The following EPS15L1 variants were observed in gnomAD, a reference collection of about 807,000 sequenced individuals.
EPS15L1 encodes epidermal growth factor receptor substrate 15-like 1.
A neutral mutation model predicts 117.1 loss-of-function variants in EPS15L1; 43 were observed. The observed-to-expected ratio is 0.37, with a 90% CI of 0.29 to 0.47. EPS15L1 has a LOEUF of 0.47. Ranked by LOEUF, EPS15L1 falls within the 20% of genes least tolerant of loss-of-function variation. The pLI, the probability that EPS15L1 is intolerant of heterozygous loss-of-function variation, is 0.99. For missense variants in EPS15L1, 981 were observed against 1,164.0 expected (o/e 0.84, Z 2.29); for synonymous variants, 459 against 470.5 (o/e 0.98, Z 0.32).
intron 19 of EPS15L1, among the ~76,000 whole-genome samples, chr19:16,386,769 G>T (rs1407599768): frequency 6.6e-6 from 1 of 152,208 alleles, no homozygotes; most frequent in African/African-American, 2.4e-5. Context: ...AAGCCTGGGG[G>T]GACTCGAGGC....
chr19:16,464,636 T>C (rs949051125), intron 1 of EPS15L1, among the ~76,000 whole-genome samples: 9 of 152,208 alleles, frequency 5.9e-5, no homozygotes, highest in African/African-American at 2.2e-4. Context: ...TTTGCCTCCG[T>C]GTGAAAGGCT....
At chr19:16,433,251 C>T (rs1180428150) in intron 7 of EPS15L1, among the ~76,000 whole-genome samples, 1 of 151,608 alleles carries the variant, frequency 6.6e-6, no homozygotes, top group African/African-American at 2.4e-5. Context: ...TCTCAGCCTC[C>T]CAAGTGTCTG....
chr19:16,386,948 T>A (rs1352863070), intron 19 of EPS15L1, among the ~76,000 whole-genome samples: 1 of 152,180 alleles, frequency 6.6e-6, no homozygotes, highest in East Asian at 1.9e-4. Context: ...TCACCATGTA[T>A]CAGATACATT....
Position 16,377,246 on chromosome 19 carries a change from A to G in EPS15L1, c.2256T>C (p.Pro752=). 3 of 1,609,804 alleles carry G rather than the reference A, an allele frequency of 1.9e-6. No homozygotes were observed. The highest frequency in any genetic ancestry group is 2.5e-6 in the Non-Finnish European group (3 of 1,178,828). ...CCAAGGAGGAGGTGAAAGGGCCAGA[A>G]GGTGGGGGCTGTAAGAGAGGACATG... The part of the protein sequence containing the change: ...ADFSQMSKPP[P]SGPFTSSLGG... The change falls in exon 22 of 24, where the codon CCT becomes CCC. Residue 752 remains proline (P), a synonymous_variant. Transcript: ENST00000455140.
intron 13 of EPS15L1, among the ~76,000 whole-genome samples, chr19:16,409,011 C>T (rs911239817): frequency 6.6e-5 from 10 of 151,992 alleles, no homozygotes; most frequent in Non-Finnish European, 1.5e-4. Flanking sequence ...CCCTAGAGGC[C>T]AGGTGTTTGA....
At chr19:16,419,773 G>A (rs115079403) in intron 10 of EPS15L1, among the ~76,000 whole-genome samples, 202 of 152,320 alleles carry the variant, frequency 1.3e-3, no homozygotes, top group African/African-American at 4.6e-3. Context: ...CCCACAGTTC[G>A]AGGCCCTGAC....
chr19:16,401,220 C>A, intron 16 of EPS15L1: 1 of 985,498 alleles, frequency 1.0e-6, no homozygotes, highest in Non-Finnish European at 1.2e-6. Context: ...GGGCCAGACA[C>A]AAGAGACAGA....
At chr19:16,395,220 G>T in intron 17 of EPS15L1, 124 bp downstream of exon 17, 13 of 777,788 alleles carry the variant, frequency 1.7e-5, no homozygotes, top group Non-Finnish European at 2.5e-5. Context: ...AAAAAAAAAA[G>T]GCATTCCTTT....
rs140159156 is a variant in EPS15L1 at position 16,461,819 on chromosome 19, G to A, written c.33+10094C>T. ...CACCGGCCAGTGGGCTCGAGCAGGC[G>A]GCTCTGGGCCCTGTGCCTGTTTCTT... On this transcript the variant is annotated intron_variant, in intron 1 of 23. Transcript: ENST00000455140. 4.6e-5 allele frequency among the ~76,000 whole-genome samples: 7 copies of A among 152,278 alleles called. No individual in the cohort carries two copies. In the East Asian group the frequency reaches 7.7e-4, roughly 17 times the overall value.
rs775610519 is a variant in EPS15L1 at position 16,370,142 on chromosome 19, G to A, written c.2380+6980C>T. 5.3e-5 allele frequency among the ~76,000 whole-genome samples: 8 copies of A among 152,228 alleles called. No homozygotes were observed. The highest frequency in any genetic ancestry group is 2.0e-4 in the Admixed American group (3 of 15,286). On this transcript the variant is annotated intron_variant, in intron 22 of 23. Transcript: ENST00000455140. The surrounding 1 kb of genome is among the most constrained non-coding windows in gnomAD (Gnocchi z 5.2). Reference sequence around the variant, plus strand: ...CCCCTGGGAGGGGAGCAAGTGAGGCGCAGAGCCCACCAGGAGCTCCCATGG... The same window carrying A: ...CCCCTGGGAGGGGAGCAAGTGAGGCACAGAGCCCACCAGGAGCTCCCATGG...
intron 19 of EPS15L1, among the ~76,000 whole-genome samples, chr19:16,390,822 C>A (rs1384413115): frequency 6.6e-6 from 1 of 152,098 alleles, no homozygotes; most frequent in Admixed American, 6.6e-5. Flanking sequence ...ATAAAGTATT[C>A]AAATATATGA....
Position 16,403,947 on chromosome 19 carries a change from AAAG to A in EPS15L1, c.1429-20_1429-18del. On this transcript the variant is annotated intron_variant, in intron 14 of 23. Transcript: ENST00000455140. ...TGATGAGATCTGAAATGAGATGTTA[AAAG>A]ATGTTAAAGAGATTCACAGTGCAGG... The A allele has an allele frequency of 3.1e-6, 5 of 1,603,622 alleles. No homozygotes were observed. The highest frequency in any genetic ancestry group is 4.3e-6 in the Non-Finnish European group (5 of 1,171,844).
chr19:16,367,771 A>AC (rs2092158524), intron 22 of EPS15L1, among the ~76,000 whole-genome samples: 1 of 150,934 alleles, frequency 6.6e-6, no homozygotes, highest in Non-Finnish European at 1.5e-5. Context: ...AAAAAAAAAA[A>AC]ACCCAAAAAA....
chr19:16,455,979 T>C (rs955782322), intron 1 of EPS15L1, among the ~76,000 whole-genome samples: 37 of 152,146 alleles, frequency 2.4e-4, no homozygotes, highest in Non-Finnish European at 5.1e-4. Context: ...GACGGGTGGA[T>C]CACCTGAGGT....
chr19:16,400,356 CAAAA>C (rs377693014), intron 16 of EPS15L1, among the ~76,000 whole-genome samples: 2 of 122,944 alleles, frequency 1.6e-5, no homozygotes, highest in Non-Finnish European at 3.5e-5. Flanking sequence ...AAAACAAAAA[CAAAA>C]AAAAAAAAAA....
At chr19:16,368,892 C>T (rs531250143) in intron 22 of EPS15L1, among the ~76,000 whole-genome samples, 111 of 152,360 alleles carry the variant, frequency 7.3e-4, no homozygotes, top group Non-Finnish European at 1.4e-3. Context: ...CTGAGAGTCA[C>T]GCTGCCTAGG....
chr19:16,408,069 T>C (rs1364443011), intron 13 of EPS15L1, among the ~76,000 whole-genome samples: 6 of 151,940 alleles, frequency 3.9e-5, no homozygotes, highest in African/African-American at 1.2e-4. Flanking sequence ...GAAGGGAAGA[T>C]GGGAAGAGCG....
At chr19:16,434,643 T>C in intron 6 of EPS15L1, 153 bp from the exon 7 acceptor site, 1 of 794,666 alleles carries the variant, frequency 1.3e-6, no homozygotes, top group Non-Finnish European at 2.0e-6. Context: ...TCTTGGCCCC[T>C]TGGTTTCCAA....
At chr19:16,377,323 C>A in intron 21 of EPS15L1, 69 bp from the exon 22 acceptor site, 2 of 1,577,272 alleles carry the variant, frequency 1.3e-6, no homozygotes, top group Admixed American at 1.8e-5. Context: ...GTCCACTGAA[C>A]AGACGCTCAT....
Sources: allele counts gnomAD v4.1 joint callset (sites outside exome capture counted in the v4.1 genomes callset), GRCh38; gene constraint gnomAD v4.1.1; non-coding constraint Gnocchi (gnomAD v3.1); transcripts MANE v1.5; gene names NCBI Gene and HGNC (gene_info 2026-07-23, HGNC 2026-07-21).